MAML2: variants seen among roughly 807,000 people sequenced by gnomAD.
MAML2 encodes the protein mastermind like transcriptional coactivator 2.
MAML2 carries 22 observed loss-of-function variants against 96.1 expected under a neutral mutation model. That is an observed-to-expected ratio of 0.23 (90% CI 0.16 to 0.33). The LOEUF is 0.33. Among genes scored for constraint, MAML2 ranks in the 10% least tolerant of loss-of-function variants. The pLI is 1.00. For synonymous variants in MAML2, 561 were observed against 521.3 expected (o/e 1.08, Z -1.04); for missense variants, 1,367 against 1,392.4 (o/e 0.98, Z 0.29).
chr11:96,037,506 G>C lies in MAML2; in HGVS notation c.2140-45783C>G, dbSNP rs116585218. Among the ~76,000 whole-genome samples, 754 of 152,264 alleles carry C rather than the reference G, an allele frequency of 5.0e-3. 8 individuals carry two copies. Among genetic ancestry groups the C allele is most frequent in the African/African-American group, 0.017 (726 of 41,538 alleles). ...TACTGAAGCATGCATTCACCAGCTG[G>C]CTGGTGACCATGGAAAACTAATAAA... On this transcript the variant is annotated intron_variant, in intron 2 of 4. Coordinates refer to ENST00000524717, the MANE Select transcript of MAML2 (RefSeq NM_032427.4).
chr11:96,105,304 T>C (rs767656619), intron 1 of MAML2, among the ~76,000 whole-genome samples: 25 of 152,182 alleles, frequency 1.6e-4, no homozygotes, highest in Admixed American at 5.9e-4. Context: ...TCTCTCTCCA[T>C]GGCATTCCCA....
At position 96,014,856 on chromosome 11, in the gene MAML2, C is replaced by A. The variant is rs528195773; in HGVS notation, c.2140-23133G>T. 8.5e-5 allele frequency among the ~76,000 whole-genome samples: 13 copies of A among 152,234 alleles called. 1 individual carries two copies. The South Asian group carries it at 2.5e-3, about 29-fold the overall frequency. On this transcript the variant is annotated intron_variant, in intron 2 of 4. Coordinates refer to ENST00000524717, the MANE Select transcript of MAML2 (RefSeq NM_032427.4). ...AGCAATTTCCAAATCATGGGGTATG[C>A]AAATCTCAAAGAAATTCCAATGCAT... is the stretch of plus-strand genomic sequence containing the variant.
rs553006424 is a variant in MAML2 at position 96,071,011 on chromosome 11, G to C, written c.2139+20881C>G. Among the ~76,000 whole-genome samples, 6 of 152,382 alleles carry C rather than the reference G, an allele frequency of 3.9e-5. No individual in the cohort carries two copies. In the East Asian group the frequency reaches 1.2e-3, roughly 29 times the overall value. On this transcript the variant is annotated intron_variant, in intron 2 of 4. Transcript: ENST00000524717. ...GTGTAGCTGAGATTTGAATACACCT[G>C]CCAGGTGGAAATAGATGAGCCTTCC...
At chr11:96,234,646 C>A (rs1002821422) in intron 1 of MAML2, among the ~76,000 whole-genome samples, 3 of 152,284 alleles carry the variant, frequency 2.0e-5, no homozygotes, top group Admixed American at 1.3e-4. Context: ...GTATCTCTAT[C>A]TTTCTCACAC....
intron 1 of MAML2, among the ~76,000 whole-genome samples, chr11:96,185,787 G>T (rs910372540): frequency 1.3e-5 from 2 of 152,134 alleles, no homozygotes; most frequent in African/African-American, 4.8e-5. Context: ...CACCTCTTTT[G>T]GGCCCTCCAG....
At chr11:96,037,601 C>T (rs1376624324) in intron 2 of MAML2, among the ~76,000 whole-genome samples, 1 of 152,142 alleles carries the variant, frequency 6.6e-6, no homozygotes, top group Admixed American at 6.6e-5. Context: ...AGTTTTGAGG[C>T]AATCACCAGT....
At chr11:96,117,462 AT>A (rs981734325) in intron 1 of MAML2, among the ~76,000 whole-genome samples, 8 of 150,500 alleles carry the variant, frequency 5.3e-5, no homozygotes, top group Admixed American at 3.3e-4. Flanking sequence ...CACCCAGCTG[AT>A]TTTTTTTTGT....
chr11:96,100,735 CT>C (rs66593553), intron 1 of MAML2, among the ~76,000 whole-genome samples: 70,297 of 135,912 alleles, frequency 0.52, 19,050 homozygotes, highest in Middle Eastern at 0.75. Context: ...GTCAAAATAG[CT>C]TTTTTTTTTT....
chr11:96,119,219 A>G (rs540175324), intron 1 of MAML2, among the ~76,000 whole-genome samples: 3 of 152,236 alleles, frequency 2.0e-5, no homozygotes, highest in African/African-American at 7.2e-5. Flanking sequence ...ACATGGCAAA[A>G]GAGACTGTGT....
chr11:96,281,222 C>T (rs957404551), intron 1 of MAML2, among the ~76,000 whole-genome samples: 1 of 152,120 alleles, frequency 6.6e-6, no homozygotes, highest in Non-Finnish European at 1.5e-5. Flanking sequence ...AGCTGTAATT[C>T]CCACAAATCA....
chr11:96,274,183 C>T (rs780240622), intron 1 of MAML2, among the ~76,000 whole-genome samples: 4 of 150,650 alleles, frequency 2.7e-5, no homozygotes, highest in Admixed American at 1.3e-4. Context: ...CGCGGGTTCA[C>T]GCCATTTTCC....
intron 2 of MAML2, among the ~76,000 whole-genome samples, chr11:96,053,991 T>C (rs1234884020): frequency 6.6e-6 from 1 of 152,162 alleles, no homozygotes; most frequent in South Asian, 2.1e-4. Context: ...AAGAAATATA[T>C]GGAGTTTGTT....
intron 2 of MAML2, among the ~76,000 whole-genome samples, chr11:96,084,982 G>A (rs1394446776): frequency 6.6e-6 from 1 of 152,188 alleles, no homozygotes; most frequent in Non-Finnish European, 1.5e-5. Context: ...CATCATCGAG[G>A]ATCTTGAAAA....
At chr11:95,995,678 A>G (rs1184657427) in intron 2 of MAML2, among the ~76,000 whole-genome samples, 1 of 152,174 alleles carries the variant, frequency 6.6e-6, no homozygotes, top group Non-Finnish European at 1.5e-5. Context: ...TACCTGGACT[A>G]CAGATGTGGT....
At chr11:96,226,945 A>C (rs1862221138) in intron 1 of MAML2, among the ~76,000 whole-genome samples, 1 of 152,260 alleles carries the variant, frequency 6.6e-6, no homozygotes, top group African/African-American at 2.4e-5. Flanking sequence ...ACATCAATTC[A>C]TTAGTGAAAC....
intron 2 of MAML2, among the ~76,000 whole-genome samples, chr11:96,057,027 T>A (rs2135774021): frequency 6.6e-6 from 1 of 152,344 alleles, no homozygotes; most frequent in African/African-American, 2.4e-5. Flanking sequence ...ACCTTCTGAG[T>A]TTGCTGATTA....
chr11:96,249,553 C>G (rs1169053197), intron 1 of MAML2, among the ~76,000 whole-genome samples: 1 of 152,146 alleles, frequency 6.6e-6, no homozygotes, highest in African/African-American at 2.4e-5. Flanking sequence ...CAATATCCCT[C>G]CAGCTCAATA....
chr11:96,176,794 T>C (rs965498625), intron 1 of MAML2, among the ~76,000 whole-genome samples: 4 of 152,154 alleles, frequency 2.6e-5, no homozygotes, highest in African/African-American at 9.7e-5. Flanking sequence ...GGCACTTTAA[T>C]CTTTCCAGGG....
At chr11:96,297,835 C>T (rs1219853553) in intron 1 of MAML2, among the ~76,000 whole-genome samples, 1 of 152,130 alleles carries the variant, frequency 6.6e-6, no homozygotes, top group Non-Finnish European at 1.5e-5. Context: ...ACTTAGTATG[C>T]ATCTCTAAAA....
Sources: gnomAD v4.1 joint callset for allele counts (sites outside exome capture counted in the v4.1 genomes callset) on GRCh38, gnomAD v4.1.1 for gene constraint, MANE v1.5 for transcripts, NCBI Gene and HGNC (gene_info 2026-07-23, HGNC 2026-07-21) for gene names.